Variants in KIF21A observed in about 807,000 individuals in gnomAD.
KIF21A encodes the protein kinesin-like protein KIF21A.
A neutral mutation model predicts 202.9 loss-of-function variants in KIF21A; 114 were observed. That is an observed-to-expected ratio of 0.56 (90% CI 0.48 to 0.66). KIF21A has a LOEUF of 0.66. Ranked by LOEUF, KIF21A falls within the 30% of genes least tolerant of loss-of-function variation. The pLI, the probability that KIF21A is intolerant of heterozygous loss-of-function variation, is 0.00. For missense variants in KIF21A, 1,677 were observed against 1,994.9 expected (o/e 0.84, Z 3.04); for synonymous variants, 667 against 670.8 (o/e 0.99, Z 0.09).
Position 39,294,490 on chromosome 12 carries a change from A to C in KIF21A, c.4959T>G (p.Ala1653=). The part of the protein sequence containing the change: ...ADDRTVRIWK[A]RNLQDGQISD... ...AGATCTGACCATCTTGCAAATTGCG[A>C]GCCTTCCAAATTCTCACAGTTCGAT... The change falls in exon 38 of 38, where the codon GCT becomes GCG. Residue 1653 remains alanine, a synonymous_variant. Transcript: ENST00000361418. 1 of 1,613,876 alleles carries C rather than the reference A, an allele frequency of 6.2e-7. No homozygotes were observed. The highest frequency in any genetic ancestry group is 2.2e-5 in the East Asian group (1 of 44,844).
At chr12:39,367,795 AT>A in intron 4 of KIF21A, 87 bp downstream of exon 4, 1 of 1,017,866 alleles carries the variant, frequency 9.8e-7, no homozygotes, top group Admixed American at 2.0e-5. Context: ...TATAAATTTC[AT>A]ATCTTGATCT....
chr12:39,330,477 C>T (rs1325429522), intron 23 of KIF21A, among the ~76,000 whole-genome samples: 5 of 152,218 alleles, frequency 3.3e-5, no homozygotes, highest in East Asian at 3.9e-4. Flanking sequence ...ATAACCAATA[C>T]GAAAACTTGA....
chr12:39,412,255 C>A (rs1351057998), intron 1 of KIF21A, among the ~76,000 whole-genome samples: 4 of 152,144 alleles, frequency 2.6e-5, no homozygotes, highest in Non-Finnish European at 5.9e-5. Flanking sequence ...CTTGTAAAAT[C>A]CAAGCACATG....
intron 23 of KIF21A, 107 bp from the exon 24 acceptor site, chr12:39,330,369 G>C: frequency 1.0e-6 from 1 of 965,026 alleles, no homozygotes; most frequent in Non-Finnish European, 1.7e-6. Context: ...TTTACATGTA[G>C]AATAGATGCC....
At chr12:39,324,396 C>T (rs1344560034) in intron 26 of KIF21A, among the ~76,000 whole-genome samples, 1 of 152,162 alleles carries the variant, frequency 6.6e-6, no homozygotes, top group Non-Finnish European at 1.5e-5. Context: ...CCTGAAAGAT[C>T]AAATTTATCT....
chr12:39,303,370 A>T (rs2137161244), intron 35 of KIF21A, among the ~76,000 whole-genome samples: 1 of 152,268 alleles, frequency 6.6e-6, no homozygotes, highest in South Asian at 2.1e-4. Flanking sequence ...GTGCAATCAT[A>T]CTGCACAGCT....
intron 1 of KIF21A, among the ~76,000 whole-genome samples, chr12:39,391,684 A>G (rs1477053397): frequency 6.6e-6 from 1 of 152,178 alleles, no homozygotes; most frequent in African/African-American, 2.4e-5. Flanking sequence ...TTAAATCTAC[A>G]ATAGTGTATG....
At chr12:39,422,288 A>G (rs1335835473) in intron 1 of KIF21A, among the ~76,000 whole-genome samples, 1 of 152,158 alleles carries the variant, frequency 6.6e-6, no homozygotes, top group Admixed American at 6.5e-5. Context: ...AATCAGAGAA[A>G]AATAGTTAAC....
chr12:39,435,798 G>A (rs1198426410), intron 1 of KIF21A, among the ~76,000 whole-genome samples: 1 of 152,032 alleles, frequency 6.6e-6, no homozygotes, highest in Non-Finnish European at 1.5e-5. Context: ...CATGTCTCAG[G>A]CCTGGAATTC....
chr12:39,303,138 A>T lies in KIF21A; in HGVS notation c.4561-3T>A, dbSNP rs1350259430. ...GCTCCTTCTGTAACATCAAACATCTAAAAAGGTAGAAACAAAGCAGTTATC... is the reference window on the plus strand; with the variant it reads ...GCTCCTTCTGTAACATCAAACATCTTAAAAGGTAGAAACAAAGCAGTTATC... On this transcript the variant is annotated splice_region_variant and splice_polypyrimidine_tract_variant and intron_variant, in intron 35 of 37. Coordinates refer to ENST00000361418, the MANE Select transcript of KIF21A (RefSeq NM_001173464.2). 1 of 1,613,604 alleles carries T rather than the reference A, an allele frequency of 6.2e-7. No individual in the cohort carries two copies. The highest frequency in any genetic ancestry group is 8.5e-7 in the Non-Finnish European group (1 of 1,179,570).
At chr12:39,366,555 T>G in intron 5 of KIF21A, 38 bp from the exon 6 acceptor site, 1 of 1,442,974 alleles carries the variant, frequency 6.9e-7, no homozygotes, top group Non-Finnish European at 9.6e-7. Flanking sequence ...ACTTTATTAA[T>G]GTAACATTAA....
At chr12:39,375,233 A>G (rs1315988653) in intron 1 of KIF21A, among the ~76,000 whole-genome samples, 1 of 152,206 alleles carries the variant, frequency 6.6e-6, no homozygotes, top group African/African-American at 2.4e-5. Context: ...GTTTTAAAAT[A>G]AAGTATTTTG....
chr12:39,438,483 A>G (rs1014030747), intron 1 of KIF21A, among the ~76,000 whole-genome samples: 1 of 152,182 alleles, frequency 6.6e-6, no homozygotes, highest in Non-Finnish European at 1.5e-5. Flanking sequence ...CATTGCAAAT[A>G]AGTGCCAGTG....
At chr12:39,334,051 A>G (rs1421045043) in intron 17 of KIF21A, among the ~76,000 whole-genome samples, 1 of 151,930 alleles carries the variant, frequency 6.6e-6, no homozygotes, top group Admixed American at 6.6e-5. Context: ...AAAATACAAA[A>G]TTAGCCAGGC....
chr12:39,351,637 T>C (rs1948388473), intron 11 of KIF21A, 140 bp downstream of exon 11: 2 of 597,052 alleles, frequency 3.3e-6, no homozygotes, highest in South Asian at 4.3e-5. Flanking sequence ...AAAAACTAGA[T>C]AGTTGTAGTT....
intron 37 of KIF21A, among the ~76,000 whole-genome samples, chr12:39,297,244 C>A (rs1942468807): frequency 6.6e-6 from 1 of 152,094 alleles, no homozygotes; most frequent in South Asian, 2.1e-4. Context: ...TGGGTATATA[C>A]CCAAAGGACT....
rs1235189460 is a variant in KIF21A at position 39,294,465 on chromosome 12, A to G, written c.4984T>C (p.Ser1662Pro). 4 of 1,613,890 alleles carry G rather than the reference A, an allele frequency of 2.5e-6. No individual in the cohort carries two copies. The highest frequency in any genetic ancestry group is 3.3e-5 in the Admixed American group (2 of 60,004). ...KARNLQDGQISDTGDLGEDIA... is the reference protein window; with the variant it reads ...KARNLQDGQIPDTGDLGEDIA... ...TCTTCCCCCAGATCTCCTGTGTCAG[A>G]GATCTGACCATCTTGCAAATTGCGA... Residue 1662 changes from serine (S) to proline (P), a missense_variant, in exon 38 of 38, where the codon TCT becomes CCT. By Grantham distance (74) the Ser-to-Pro change is moderately conservative (BLOSUM62 -1). Transcript: ENST00000361418.
At chr12:39,402,023 A>G (rs1227456096) in intron 1 of KIF21A, among the ~76,000 whole-genome samples, 2 of 152,190 alleles carry the variant, frequency 1.3e-5, no homozygotes, top group Non-Finnish European at 1.5e-5. Context: ...GGAAAATTAA[A>G]TATATTGATA....
chr12:39,416,627 A>ATG (rs1022134132), intron 1 of KIF21A, among the ~76,000 whole-genome samples: 3 of 137,104 alleles, frequency 2.2e-5, no homozygotes, highest in African/African-American at 8.1e-5. Flanking sequence ...GTACATATAT[A>ATG]TGTGTATATA....
Sources: gnomAD v4.1 joint callset for allele counts (sites outside exome capture counted in the v4.1 genomes callset) on GRCh38, gnomAD v4.1.1 for gene constraint, MANE v1.5 for transcripts, NCBI Gene and HGNC (gene_info 2026-07-23, HGNC 2026-07-21) for gene names.